Variants in KAZN observed in about 807,000 individuals in gnomAD.
KAZN encodes kazrin, periplakin interacting protein, also known as kazrin.
In KAZN, 40 loss-of-function variants were observed where a neutral mutation model predicts 87.4. The observed-to-expected ratio is 0.46, with a 90% CI of 0.36 to 0.60. KAZN has a LOEUF of 0.60. KAZN is among the 20% of genes least tolerant of loss of function. The probability of loss-of-function intolerance (pLI) is 0.00; values close to 1 mark genes in which losing one functional copy is unlikely to be tolerated. For missense variants in KAZN, 898 were observed against 1,073.9 expected (o/e 0.84, Z 2.29); for synonymous variants, 466 against 458.3 (o/e 1.02, Z -0.22).
At chr1:14,382,056 CAAG>C (rs1661411290) in intron 2 of KAZN, among the ~76,000 whole-genome samples, 1 of 152,054 alleles carries the variant, frequency 6.6e-6, no homozygotes, top group Non-Finnish European at 1.5e-5. Flanking sequence ...AAAACGAAAT[CAAG>C]AAAGTAATCC....
intron 2 of KAZN, among the ~76,000 whole-genome samples, chr1:15,001,912 G>A (rs1221892384): frequency 8.7e-6 from 1 of 114,670 alleles, no homozygotes; most frequent in South Asian, 2.9e-4. Context: ...GTGGAGTCTC[G>A]CTCTGTCGCC....
At chr1:15,024,215 AG>A (rs1375406494) in intron 2 of KAZN, among the ~76,000 whole-genome samples, 1 of 152,182 alleles carries the variant, frequency 6.6e-6, no homozygotes, top group Non-Finnish European at 1.5e-5. Flanking sequence ...AGAGGAAACC[AG>A]GAACACGGGC....
intron 1 of KAZN, among the ~76,000 whole-genome samples, chr1:14,761,518 G>C (rs977183626): frequency 3.9e-5 from 6 of 152,196 alleles, no homozygotes; most frequent in Non-Finnish European, 8.8e-5. Context: ...AGTGTTTGTT[G>C]ATTAAATGGT....
chr1:14,213,599 A>T (rs1646899948), intron 2 of KAZN, among the ~76,000 whole-genome samples: 1 of 152,250 alleles, frequency 6.6e-6, no homozygotes, highest in African/African-American at 2.4e-5. Flanking sequence ...AGTAGAGGTT[A>T]GTTGGTTAGA....
chr1:14,585,851 C>T (rs1000876976), intron 2 of KAZN, among the ~76,000 whole-genome samples: 32 of 152,280 alleles, frequency 2.1e-4, no homozygotes, highest in Admixed American at 6.5e-4. Flanking sequence ...CCCACATCCC[C>T]GAGGGAAGAT....
chr1:14,188,824 T>C (rs551892105), intron 2 of KAZN, among the ~76,000 whole-genome samples: 24 of 152,298 alleles, frequency 1.6e-4, no homozygotes, highest in African/African-American at 5.8e-4. Context: ...TCCACCACAA[T>C]TGAATTCAAT....
intron 1 of KAZN, among the ~76,000 whole-genome samples, chr1:13,991,577 T>G (rs1453720610): frequency 1.3e-5 from 2 of 152,210 alleles, no homozygotes; most frequent in African/African-American, 4.8e-5. Flanking sequence ...ATTTATTGCC[T>G]CTGTTTTTAA....
intron 2 of KAZN, among the ~76,000 whole-genome samples, chr1:15,003,079 A>G (rs1668657997): frequency 6.6e-6 from 1 of 151,312 alleles, no homozygotes; most frequent in Non-Finnish European, 1.5e-5. Flanking sequence ...AAGGGCACAG[A>G]CAGGTAAACG....
intron 8 of KAZN, among the ~76,000 whole-genome samples, chr1:15,083,273 G>C (rs115932861): frequency 0.039 from 5,908 of 152,258 alleles, 209 homozygotes; most frequent in Admixed American, 0.1. Context: ...CTAGGTGGAG[G>C]GGGGACTGTT....
intron 1 of KAZN, among the ~76,000 whole-genome samples, chr1:14,097,586 GCAATTA>G (rs1468427638): frequency 6.6e-6 from 1 of 152,142 alleles, no homozygotes; most frequent in Non-Finnish European, 1.5e-5. Flanking sequence ...ACAACAGCCT[GCAATTA>G]CAGAATAATG....
chr1:14,856,946 T>C lies in KAZN; in HGVS notation c.227-103738T>C, dbSNP rs190590525. Among the ~76,000 whole-genome samples, 53 of 152,236 alleles carry C rather than the reference T, an allele frequency of 3.5e-4. No individual in the cohort carries two copies. The South Asian group carries it at 3.9e-3, about 11-fold the overall frequency. ...TTTGGAAACTATCTTCATCCACACATAGGGGTTTCTGCAGAGGATAACAAT... is the reference window on the plus strand; with the variant it reads ...TTTGGAAACTATCTTCATCCACACACAGGGGTTTCTGCAGAGGATAACAAT... On this transcript the variant is annotated intron_variant, in intron 1 of 14. Coordinates refer to ENST00000376030, the MANE Select transcript of KAZN (RefSeq NM_201628.3). The surrounding 1 kb of genome is among the most constrained non-coding windows in gnomAD (Gnocchi z 5.2).
At chr1:13,893,214 C>G (rs1309764238) in exon 1 of KAZN, 1 of 153,148 alleles carries the variant, frequency 6.5e-6, no homozygotes, top group Non-Finnish European at 1.5e-5. Context: ...TGGACTGAGA[C>G]GCCGCGGGGC....
intron 1 of KAZN, among the ~76,000 whole-genome samples, chr1:14,853,518 G>T (rs931765981): frequency 2.0e-5 from 3 of 152,176 alleles, no homozygotes; most frequent in Non-Finnish European, 2.9e-5. Flanking sequence ...CAGAGTGGAT[G>T]CAGGTGGTAG....
intron 1 of KAZN, among the ~76,000 whole-genome samples, chr1:14,160,009 G>C (rs534580045): frequency 6.6e-6 from 1 of 152,198 alleles, no homozygotes; most frequent in Non-Finnish European, 1.5e-5. Flanking sequence ...CTCAAGGAGA[G>C]GGAAGGGGTC....
chr1:14,763,569 A>G (rs1035669207), intron 1 of KAZN, among the ~76,000 whole-genome samples: 3 of 152,184 alleles, frequency 2.0e-5, no homozygotes, highest in Non-Finnish European at 2.9e-5. Flanking sequence ...GCCTGATTTC[A>G]ATTGCAGTGA....
At chr1:14,264,233 A>G (rs1394286161) in intron 2 of KAZN, among the ~76,000 whole-genome samples, 1 of 152,142 alleles carries the variant, frequency 6.6e-6, no homozygotes. Context: ...TGTTGGTCAA[A>G]TTCAGTTCCT....
At chr1:14,286,956 C>T (rs1653298387) in intron 2 of KAZN, among the ~76,000 whole-genome samples, 1 of 152,024 alleles carries the variant, frequency 6.6e-6, no homozygotes. Flanking sequence ...GCCTATTTCT[C>T]CTAAGAAGCC....
chr1:14,152,106 A>G (rs941760241), intron 1 of KAZN, among the ~76,000 whole-genome samples: 46 of 152,322 alleles, frequency 3.0e-4, no homozygotes, highest in East Asian at 9.6e-4. Flanking sequence ...CAGGCATGTA[A>G]TGCACAATAA....
At chr1:14,841,636 G>A (rs2100933398) in intron 1 of KAZN, among the ~76,000 whole-genome samples, 1 of 152,274 alleles carries the variant, frequency 6.6e-6, no homozygotes, top group East Asian at 1.9e-4. Context: ...TCTGCACCCA[G>A]TGACGTCACA....
Sources: gnomAD v4.1 joint callset for allele counts (sites outside exome capture counted in the v4.1 genomes callset) on GRCh38, gnomAD v4.1.1 for gene constraint, Gnocchi (gnomAD v3.1) non-coding constraint, MANE v1.5 for transcripts, NCBI Gene and HGNC (gene_info 2026-07-23, HGNC 2026-07-21) for gene names.